Variants in RASGRF1 observed in about 807,000 individuals in gnomAD.
RASGRF1 encodes Ras protein specific guanine nucleotide releasing factor 1.
In RASGRF1, 40 loss-of-function variants were observed where a neutral mutation model predicts 138.7. That is an observed-to-expected ratio of 0.29 (90% CI 0.22 to 0.38). The LOEUF is 0.38. Ranked by LOEUF, RASGRF1 falls within the 10% of genes least tolerant of loss-of-function variation. RASGRF1 has a pLI of 1.00. For synonymous variants in RASGRF1, 614 were observed against 663.2 expected (o/e 0.93, Z 1.14); for missense variants, 1,108 against 1,650.4 (o/e 0.67, Z 5.69).
At chr15:79,079,610 G>A (rs1397238012) in intron 1 of RASGRF1, among the ~76,000 whole-genome samples, 1 of 152,010 alleles carries the variant, frequency 6.6e-6, no homozygotes, top group Non-Finnish European at 1.5e-5. Context: ...AATTATACAT[G>A]CATGCATATA....
chr15:79,081,654 C>G (rs1223062963), intron 1 of RASGRF1, among the ~76,000 whole-genome samples: 1 of 152,186 alleles, frequency 6.6e-6, no homozygotes, highest in African/African-American at 2.4e-5. Flanking sequence ...CCCTCTTTGG[C>G]TCTCCTGTGT....
intron 17 of RASGRF1, 37 bp downstream of exon 17, chr15:78,999,706 T>C (rs757132828): frequency 1.9e-6 from 3 of 1,602,072 alleles, no homozygotes; most frequent in East Asian, 2.2e-5. Flanking sequence ...GGGCTGACCA[T>C]GGGGAGGACC....
intron 7 of RASGRF1, 57 bp from the exon 8 acceptor site, chr15:79,031,566 G>A: frequency 8.7e-7 from 1 of 1,154,074 alleles, no homozygotes; most frequent in Non-Finnish European, 1.2e-6. Context: ...TATGGCCGGG[G>A]AGCAAGGCAG....
At chr15:78,972,774 G>A (rs1346195334) in intron 25 of RASGRF1, among the ~76,000 whole-genome samples, 2 of 152,216 alleles carry the variant, frequency 1.3e-5, no homozygotes, top group Non-Finnish European at 2.9e-5. Flanking sequence ...CCTAATGGGA[G>A]AAGTCTCCTC....
chr15:78,990,335 C>T (rs1465008571), intron 21 of RASGRF1, 62 bp from the exon 22 acceptor site: 2 of 1,120,968 alleles, frequency 1.8e-6, no homozygotes, highest in Non-Finnish European at 2.7e-6. Flanking sequence ...GATTTCATTG[C>T]TCCATGCTTT....
chr15:79,080,513 C>T (rs2057900266), intron 1 of RASGRF1, among the ~76,000 whole-genome samples: 1 of 152,196 alleles, frequency 6.6e-6, no homozygotes, highest in South Asian at 2.1e-4. Flanking sequence ...TTATATTTCA[C>T]TCATATAGTC....
chr15:78,998,842 C>T lies in RASGRF1; in HGVS notation c.2747-17G>A. On this transcript the variant is annotated splice_polypyrimidine_tract_variant and intron_variant, in intron 17 of 26. Coordinates refer to ENST00000558480, the MANE Select transcript of RASGRF1 (RefSeq NM_001145648.3). ...GGGGAAACCCTGGCAGCATGCGTGG[C>T]AGAGGGGAGAGAGGACAGGTGAGGA... The T allele has an allele frequency of 1.3e-6, 2 of 1,589,688 alleles. No individual in the cohort carries two copies. The highest frequency in any genetic ancestry group is 2.2e-5 in the East Asian group (1 of 44,740).
chr15:78,981,731 C>G (rs1256771156), intron 23 of RASGRF1: 1 of 152,310 alleles, frequency 6.6e-6, no homozygotes, highest in Non-Finnish European at 1.5e-5. Context: ...AAAGCCTCGC[C>G]ACCTGGTGTG....
chr15:79,072,424 T>C (rs535575732), intron 1 of RASGRF1, among the ~76,000 whole-genome samples: 75 of 151,530 alleles, frequency 4.9e-4, no homozygotes, highest in African/African-American at 1.7e-3. Flanking sequence ...TACAGGCGTC[T>C]GCCACCACGC....
chr15:79,012,611 T>A (rs1323158315), intron 13 of RASGRF1: 2 of 1,551,874 alleles, frequency 1.3e-6, no homozygotes, highest in African/African-American at 2.8e-5. Flanking sequence ...ATTCACTTTA[T>A]CACCATCATT....
rs923947394 is a variant in RASGRF1, at chr15:78,998,383, G to C, written c.2854-175C>G. 10 of 651,332 alleles carry C rather than the reference G, an allele frequency of 1.5e-5. No individual in the cohort carries two copies. In the Admixed American group the frequency reaches 2.6e-4, roughly 17 times the overall value. The allele number at this position is 651,332 out of a possible 1,614,324, so 40.3% of individuals were successfully genotyped here. A position where few individuals can be genotyped will look rare whatever the true frequency, so the allele number is the denominator to read the frequency against. ...GGGCATGAGAGGCTCTCCAGGCCTAGAGAATCTTAGATAAAGGCACTGGAA... is the reference window on the plus strand; with the variant it reads ...GGGCATGAGAGGCTCTCCAGGCCTACAGAATCTTAGATAAAGGCACTGGAA... On this transcript the variant is annotated intron_variant, in intron 18 of 26. Transcript: ENST00000558480.
intron 19 of RASGRF1, chr15:78,997,893 A>G (rs2056430020): frequency 3.4e-6 from 2 of 583,364 alleles, no homozygotes; most frequent in Non-Finnish European, 6.1e-6. Context: ...CAGGGTGGGG[A>G]GAGAGGAAAG....
At chr15:79,059,412 C>CCCTTT (rs2057565622) in intron 2 of RASGRF1, among the ~76,000 whole-genome samples, 1 of 140,706 alleles carries the variant, frequency 7.1e-6, no homozygotes, top group Non-Finnish European at 1.6e-5. Context: ...CCCTTCCCTT[C>CCCTTT]CCTTCCCTTC....
chr15:78,998,872 A>T (rs758399591), intron 17 of RASGRF1, 47 bp from the exon 18 acceptor site: 1 of 1,482,942 alleles, frequency 6.7e-7, no homozygotes, highest in Non-Finnish European at 9.4e-7. Context: ...TGAGGACAAG[A>T]AACAGAGCTT....
intron 3 of RASGRF1, among the ~76,000 whole-genome samples, chr15:79,057,304 C>T (rs1311320180): frequency 6.6e-6 from 1 of 152,206 alleles, no homozygotes; most frequent in East Asian, 1.9e-4. Flanking sequence ...AGCTACTGCG[C>T]ACTTCCTGGC....
At chr15:78,962,510 T>C (rs566833794) in intron 26 of RASGRF1, among the ~76,000 whole-genome samples, 9 of 152,252 alleles carry the variant, frequency 5.9e-5, no homozygotes, top group South Asian at 2.1e-4. Flanking sequence ...GTGGCAGATA[T>C]ATGTGTTCAC....
intron 23 of RASGRF1, chr15:78,984,438 T>C (rs906672271): frequency 6.0e-6 from 1 of 165,706 alleles, no homozygotes; most frequent in Non-Finnish European, 1.3e-5. Flanking sequence ...TTTATGTTCA[T>C]GTTTTATGTT....
chr15:78,973,211 TG>T lies in RASGRF1; in HGVS notation c.3612+91del, dbSNP rs1407437728. 1 of 1,034,368 alleles carries T rather than the reference TG, an allele frequency of 9.7e-7. No individual in the cohort carries two copies. The highest frequency in any genetic ancestry group is 1.4e-6 in the Non-Finnish European group (1 of 699,110). The allele number at this position is 1,034,368 out of a possible 1,614,324, so 64.1% of individuals were successfully genotyped here. On this transcript the variant is annotated intron_variant, in intron 25 of 26. Transcript: ENST00000558480. The surrounding 1 kb of genome is among the most constrained non-coding windows in gnomAD (Gnocchi z 4.9). Reference sequence around the variant, plus strand: ...AATGGGGGCACCCTATGCAGCAGGTTGGGCCTTGGGGGGCAGAGTGTGGGTG... The same window carrying T: ...AATGGGGGCACCCTATGCAGCAGGTTGGCCTTGGGGGGCAGAGTGTGGGTG...
chr15:79,053,229 C>T (rs377443584), intron 3 of RASGRF1, among the ~76,000 whole-genome samples: 20 of 152,130 alleles, frequency 1.3e-4, no homozygotes, highest in South Asian at 1.2e-3. Context: ...TGTGCCATTG[C>T]GCTCCAGCCT....
Sources: gnomAD v4.1 joint callset for allele counts (sites outside exome capture counted in the v4.1 genomes callset) on GRCh38, gnomAD v4.1.1 for gene constraint, Gnocchi (gnomAD v3.1) non-coding constraint, MANE v1.5 for transcripts, NCBI Gene and HGNC (gene_info 2026-07-23, HGNC 2026-07-21) for gene names.